Variants in STAB2 observed in about 807,000 individuals in gnomAD.
The protein encoded by STAB2 is stabilin 2, also known as stabilin-2.
Under a neutral mutation model 338.1 loss-of-function variants are expected in STAB2, and 288 were observed. The ratio of observed to expected loss-of-function variants is 0.85; its 90% CI spans 0.77 to 0.94. STAB2 has a LOEUF of 0.94. Ranked by LOEUF, STAB2 falls within the 40% of genes least tolerant of loss-of-function variation. The probability of loss-of-function intolerance (pLI) is 0.00; values close to 1 mark genes in which losing one functional copy is unlikely to be tolerated. For missense variants in STAB2, 3,141 were observed against 3,210.1 expected (o/e 0.98, Z 0.52); for synonymous variants, 1,202 against 1,193.3 (o/e 1.01, Z -0.15).
chr12:103,682,407 C>T (rs1877002416), intron 25 of STAB2, among the ~76,000 whole-genome samples: 1 of 152,168 alleles, frequency 6.6e-6, no homozygotes, highest in African/African-American at 2.4e-5. Flanking sequence ...TTTAGACTTT[C>T]CAAATGGACA....
At chr12:103,618,505 A>G (rs1957246271) in intron 3 of STAB2, among the ~76,000 whole-genome samples, 1 of 152,208 alleles carries the variant, frequency 6.6e-6, no homozygotes, top group Non-Finnish European at 1.5e-5. Context: ...TTTATTTTCC[A>G]CGGATGCTGA....
chr12:103,706,098 A>G (rs1476542702), intron 37 of STAB2, among the ~76,000 whole-genome samples: 2 of 151,976 alleles, frequency 1.3e-5, no homozygotes, highest in African/African-American at 4.8e-5. Context: ...AGAAAACAGG[A>G]CCCCAAGGCT....
At chr12:103,688,368 T>G (rs544882946) in intron 28 of STAB2, among the ~76,000 whole-genome samples, 153 bp downstream of exon 28, 1 of 152,146 alleles carries the variant, frequency 6.6e-6, no homozygotes, top group Non-Finnish European at 1.5e-5. Flanking sequence ...TGGAACCACA[T>G]GGAACACATT....
chr12:103,652,211 A>G (rs1203293921), intron 11 of STAB2, among the ~76,000 whole-genome samples: 1 of 152,176 alleles, frequency 6.6e-6, no homozygotes, highest in Non-Finnish European at 1.5e-5. Context: ...CATGTTCAAG[A>G]TAGATTCCTT....
intron 31 of STAB2, among the ~76,000 whole-genome samples, chr12:103,693,667 C>T (rs1878150703): frequency 6.6e-6 from 1 of 151,762 alleles, no homozygotes; most frequent in Non-Finnish European, 1.5e-5. Flanking sequence ...CTTCTAATAC[C>T]CAGTATAACA....
intron 15 of STAB2, among the ~76,000 whole-genome samples, chr12:103,656,477 G>T (rs1874185047): frequency 1.3e-5 from 2 of 152,158 alleles, no homozygotes; most frequent in South Asian, 4.1e-4. Context: ...AAGCATTCTG[G>T]TTTAGTGGTG....
intron 34 of STAB2, among the ~76,000 whole-genome samples, chr12:103,699,498 G>C (rs551702894): frequency 1.3e-5 from 2 of 152,154 alleles, no homozygotes. Context: ...AAGACAGCTC[G>C]TGCAGGAAAC....
chr12:103,593,583 A>G (rs1956831608), intron 2 of STAB2, among the ~76,000 whole-genome samples: 1 of 152,220 alleles, frequency 6.6e-6, no homozygotes, highest in Non-Finnish European at 1.5e-5. Flanking sequence ...AGTCAACTCT[A>G]TCCCCAACTT....
At chr12:103,661,217 C>CAAAA (rs10548393) in intron 17 of STAB2, among the ~76,000 whole-genome samples, 37 of 106,038 alleles carry the variant, frequency 3.5e-4, no homozygotes, top group African/African-American at 1.2e-3. Flanking sequence ...GAGTTCCAGA[C>CAAAA]AAAAAAAAAA....
Position 103,637,238 on chromosome 12 carries a change from T to C in STAB2, c.709+2T>C. On this transcript the variant is annotated splice_donor_variant, in intron 7 of 68. Transcript: ENST00000388887. LOFTEE classifies it high-confidence loss of function. ...GAGGCGATGGCAAATACTGCGACCG[T>C]GAGTAGAATTTAGATTCTGCTAGTT... is the stretch of plus-strand genomic sequence containing the variant. 1 of 1,609,218 alleles carries C rather than the reference T, an allele frequency of 6.2e-7. No homozygotes were observed. Among genetic ancestry groups the C allele is most frequent in the Non-Finnish European group, 8.5e-7 (1 of 1,178,582 alleles).
rs752695393 is a variant in STAB2, at chr12:103,750,705, G to A, written c.6565G>A (p.Asp2189Asn). ...GQCHADAKCV[D>N]LHFQDTTVGV... ...GTGCCATGCAGACGCCAAATGTGTC[G>A]ACCTCCACTTCCAGGGTTAGTGTGA... Residue 2189 changes from aspartate (D) to asparagine (N), a missense_variant, in exon 60 of 69, where the codon GAC becomes AAC. Coordinates refer to ENST00000388887, the MANE Select transcript of STAB2 (RefSeq NM_017564.10). The A allele has an allele frequency of 6.1e-5, 98 of 1,613,480 alleles. No individual in the cohort carries two copies. The highest frequency in any genetic ancestry group is 7.4e-5 in the Non-Finnish European group (87 of 1,179,596).
At chr12:103,634,582 C>A (rs1401079513) in intron 6 of STAB2, among the ~76,000 whole-genome samples, 1 of 152,202 alleles carries the variant, frequency 6.6e-6, no homozygotes, top group African/African-American at 2.4e-5. Context: ...CAAATGGCTG[C>A]TAAGTGATTC....
chr12:103,676,437 C>A (rs1323312008), intron 24 of STAB2, among the ~76,000 whole-genome samples: 1 of 152,146 alleles, frequency 6.6e-6, no homozygotes, highest in African/African-American at 2.4e-5. Context: ...TTCCATAGGT[C>A]AATGTCTGAT....
chr12:103,749,164 G>T lies in STAB2; in HGVS notation c.6438+8G>T, dbSNP rs202210397. The T allele has an allele frequency of 6.3e-7, 1 of 1,585,864 alleles. No individual in the cohort carries two copies. The highest frequency in any genetic ancestry group is 1.1e-5 in the South Asian group (1 of 88,806). On this transcript the variant is annotated splice_region_variant and intron_variant, in intron 59 of 68. Transcript: ENST00000388887. Reference sequence around the variant, plus strand: ...TGTAAGATGACAGGCCCGGTGAGTCGCTCTTTCCCAGGGAAATTTGGGAGC... The same window carrying T: ...TGTAAGATGACAGGCCCGGTGAGTCTCTCTTTCCCAGGGAAATTTGGGAGC...
intron 53 of STAB2, 71 bp downstream of exon 53, chr12:103,737,851 A>G: frequency 6.3e-7 from 1 of 1,583,034 alleles, no homozygotes; most frequent in Non-Finnish European, 8.6e-7. Context: ...TCCAGTGTGG[A>G]CCCTGTTGTG....
chr12:103,756,873 A>C (rs1884138373), intron 63 of STAB2, among the ~76,000 whole-genome samples: 1 of 151,880 alleles, frequency 6.6e-6, no homozygotes, highest in African/African-American at 2.4e-5. Context: ...CACCCACACT[A>C]ATCTTTCTGC....
At chr12:103,655,089 C>A (rs995739748) in intron 13 of STAB2, among the ~76,000 whole-genome samples, 162 bp from the exon 14 acceptor site, 1 of 152,150 alleles carries the variant, frequency 6.6e-6, no homozygotes, top group Non-Finnish European at 1.5e-5. Context: ...ACTGTTTCAA[C>A]GACAGCGAAC....
intron 51 of STAB2, among the ~76,000 whole-genome samples, chr12:103,734,352 C>T (rs979819333): frequency 6.8e-6 from 1 of 147,736 alleles, no homozygotes; most frequent in Admixed American, 6.8e-5. Context: ...GGAGCATGCA[C>T]AGTCTCATAG....
At chr12:103,626,146 T>C (rs1261325790) in intron 5 of STAB2, among the ~76,000 whole-genome samples, 1 of 152,234 alleles carries the variant, frequency 6.6e-6, no homozygotes, top group African/African-American at 2.4e-5. Context: ...CCAATAGAAC[T>C]TTCTGTGATG....
Sources: gnomAD v4.1 joint callset for allele counts (sites outside exome capture counted in the v4.1 genomes callset) on GRCh38, gnomAD v4.1.1 for gene constraint, MANE v1.5 for transcripts, NCBI Gene and HGNC (gene_info 2026-07-23, HGNC 2026-07-21) for gene names.